Variants in RNF43 observed in about 807,000 individuals in gnomAD.
RNF43 encodes E3 ubiquitin-protein ligase RNF43.
In RNF43, 37 loss-of-function variants were observed where a neutral mutation model predicts 78.4. The ratio of observed to expected loss-of-function variants is 0.47; its 90% CI spans 0.36 to 0.62. The LOEUF is 0.62. Among genes scored for constraint, RNF43 ranks in the 20% least tolerant of loss-of-function variants. The pLI is 0.00. For missense variants in RNF43, 774 were observed against 1,007.9 expected, an observed-to-expected ratio of 0.77 and a Z score of 3.14; for synonymous variants, 347 against 395.0, an observed-to-expected ratio of 0.88 and a Z score of 1.44.
At chr17:58,359,797 A>G (rs185711433) in intron 8 of RNF43, among the ~76,000 whole-genome samples, 2 of 149,238 alleles carry the variant, frequency 1.3e-5, no homozygotes, top group East Asian at 2.0e-4. Context: ...ATGGTGGCGC[A>G]TGCCTGTAAT....
chr17:58,368,717 A>G (rs1973008666), intron 3 of RNF43, among the ~76,000 whole-genome samples: 1 of 151,950 alleles, frequency 6.6e-6, no homozygotes, highest in Non-Finnish European at 1.5e-5. Flanking sequence ...TGTCTCAAAA[A>G]AAAAAAAAAA....
At chr17:58,388,840 C>G (rs1973488280) in intron 2 of RNF43, among the ~76,000 whole-genome samples, 2 of 152,058 alleles carry the variant, frequency 1.3e-5, no homozygotes, top group Non-Finnish European at 2.9e-5. Context: ...AAACCAGGAG[C>G]CAGGTGAGAG....
intron 3 of RNF43, among the ~76,000 whole-genome samples, chr17:58,365,070 C>T (rs1972922256): frequency 6.6e-6 from 1 of 152,330 alleles, no homozygotes; most frequent in East Asian, 1.9e-4. Context: ...GGCTAATTGA[C>T]TAGAAATTCA....
At chr17:58,385,673 T>G (rs965859777) in intron 2 of RNF43, among the ~76,000 whole-genome samples, 14 of 152,130 alleles carry the variant, frequency 9.2e-5, no homozygotes, top group Admixed American at 2.0e-4. Context: ...AAATTCAAAC[T>G]CCATAGCCTA....
intron 2 of RNF43, among the ~76,000 whole-genome samples, chr17:58,405,701 A>AGAAG (rs1468026764): frequency 4.9e-4 from 10 of 20,462 alleles, no homozygotes; most frequent in Admixed American, 1.1e-3. Flanking sequence ...CTCTAATGAC[A>AGAAG]GAAAGAAAGA....
At chr17:58,391,151 C>T (rs1973549280) in intron 2 of RNF43, among the ~76,000 whole-genome samples, 2 of 152,158 alleles carry the variant, frequency 1.3e-5, no homozygotes, top group Admixed American at 6.5e-5. Flanking sequence ...ATATGGAGTA[C>T]ACTGAGGACC....
chr17:58,392,917 A>G (rs1420411866), intron 2 of RNF43, among the ~76,000 whole-genome samples: 1 of 152,186 alleles, frequency 6.6e-6, no homozygotes, highest in Non-Finnish European at 1.5e-5. Context: ...TGGGTTATCT[A>G]CCTTGAGGAG....
At position 58,376,427 on chromosome 17, in the gene RNF43, A is replaced by G. The variant is rs552705994; in HGVS notation, c.253-5394T>C. Among the ~76,000 whole-genome samples, 728 of 152,338 alleles carry G rather than the reference A, an allele frequency of 4.8e-3. 8 individuals carry two copies. Among genetic ancestry groups the G allele is most frequent in the African/African-American group, 0.016 (675 of 41,568 alleles). ...TTTCTAGTACAATTATATCTGTGGT[A>G]TGACAATCATACTCATTATACTTTT... On this transcript the variant is annotated intron_variant, in intron 2 of 9. Transcript: ENST00000407977.
intron 2 of RNF43, among the ~76,000 whole-genome samples, chr17:58,373,806 T>C (rs939846420): frequency 6.6e-6 from 1 of 152,110 alleles, no homozygotes; most frequent in African/African-American, 2.4e-5. Context: ...ACCATCTCCA[T>C]CTCCCCACTA....
intron 2 of RNF43, among the ~76,000 whole-genome samples, chr17:58,394,101 C>T (rs1056547333): frequency 6.6e-6 from 1 of 152,198 alleles, no homozygotes; most frequent in South Asian, 2.1e-4. Context: ...CAGAGAAGCA[C>T]TCCCAACATT....
At chr17:58,363,155 G>T in intron 5 of RNF43, 120 bp downstream of exon 5, 2 of 1,248,348 alleles carry the variant, frequency 1.6e-6, no homozygotes, top group Non-Finnish European at 2.2e-6. Context: ...GGATGAAGTT[G>T]GACTAGAGGG....
rs2143386991 is a variant in RNF43 at position 58,357,579 on chromosome 17, G to A, written c.2197C>T (p.Gln733Ter). 1 of 1,614,234 alleles carries A rather than the reference G, an allele frequency of 6.2e-7. No individual in the cohort carries two copies. Among genetic ancestry groups the A allele is most frequent in the Non-Finnish European group, 8.5e-7 (1 of 1,180,030 alleles). ...CCAGGTGGATGTGGTTCCAGGGGCT[G>A]GCGAGGAGTCAGGCACAACCACACT... is the stretch of plus-strand genomic sequence containing the variant. ...QPVWLCLTPR[Q>*]PLEPHPPGEG... The change falls in exon 9 of 10, where the codon CAG (glutamine) becomes TAG (stop). Residue 733 changes from glutamine to a stop codon, truncating the protein, a stop_gained. Coordinates refer to ENST00000407977, the MANE Select transcript of RNF43 (RefSeq NM_017763.6). LOFTEE classifies it high-confidence loss of function. The surrounding 1 kb of genome is among the most constrained non-coding windows in gnomAD (Gnocchi z 4.5).
chr17:58,355,665 G>T (rs1228699252), intron 9 of RNF43, among the ~76,000 whole-genome samples: 1 of 152,216 alleles, frequency 6.6e-6, no homozygotes, highest in South Asian at 2.1e-4. Flanking sequence ...GCCAAAGCAG[G>T]TTGGATTTTT....
At position 58,360,995 on chromosome 17, in the gene RNF43, C is replaced by T. The variant is rs2143449567; in HGVS notation, c.688-51G>A. The T allele has an allele frequency of 6.7e-7, 1 of 1,487,274 alleles. No individual in the cohort carries two copies. The allele number at this position is 1,487,274 out of a possible 1,614,324, so 92.1% of individuals were successfully genotyped here. Reference sequence around the variant, plus strand: ...TGGGGCATGGGCTCCCCTTCCCTCCCTCTCTGGACCCAAGCTTGGACTCCG... The same window carrying T: ...TGGGGCATGGGCTCCCCTTCCCTCCTTCTCTGGACCCAAGCTTGGACTCCG... On this transcript the variant is annotated intron_variant, in intron 6 of 9. Coordinates refer to ENST00000407977, the MANE Select transcript of RNF43 (RefSeq NM_017763.6). The surrounding 1 kb of genome is among the most constrained non-coding windows in gnomAD (Gnocchi z 4.3).
chr17:58,377,841 T>G (rs1209630394), intron 2 of RNF43, among the ~76,000 whole-genome samples: 1 of 152,012 alleles, frequency 6.6e-6, no homozygotes, highest in Admixed American at 6.6e-5. Flanking sequence ...AAGGCATCAT[T>G]CTCCCCATTT....
intron 2 of RNF43, among the ~76,000 whole-genome samples, chr17:58,378,553 A>T (rs1382034847): frequency 1.3e-5 from 2 of 152,160 alleles, no homozygotes; most frequent in Non-Finnish European, 2.9e-5. Context: ...TCTATTTTTT[A>T]AAAATTATTT....
intron 2 of RNF43, among the ~76,000 whole-genome samples, chr17:58,378,228 C>T (rs1033707977): frequency 3.9e-5 from 6 of 152,272 alleles, no homozygotes; most frequent in African/African-American, 1.2e-4. Context: ...GGGGAATTGT[C>T]GAGAGGAGTT....
chr17:58,357,896 A>C lies in RNF43; in HGVS notation c.1880T>G (p.Val627Gly), dbSNP rs199831923. The C allele has an allele frequency of 1.5e-5, 25 of 1,613,410 alleles. No homozygotes were observed. The East Asian group carries it at 5.4e-4, about 35-fold the overall frequency. ...RALPEPAPGP[V>G]DASSICPSTS... The stretch of plus-strand genomic sequence containing the variant: ...ACTGGGGCAGATGCTGGAGGCGTCA[A>C]CTGGGCCAGGGGCTGGCTCAGGGAG... The change falls in exon 9 of 10, where the codon GTT becomes GGT. Residue 627 changes from valine (V) to glycine (G), a missense_variant. Val to Gly is a moderately radical substitution (Grantham distance 109, BLOSUM62 -3). Transcript: ENST00000407977. The surrounding 1 kb of genome is among the most constrained non-coding windows in gnomAD (Gnocchi z 4.5).
rs542889175 is a variant in RNF43 at position 58,413,568 on chromosome 17, T to C, written c.252+1758A>G. ...CAAAGTAAAAGCAATACTTAATGTA[T>C]AATGATAGGATCAAAGTTAATAGTT... On this transcript the variant is annotated intron_variant, in intron 2 of 9. Transcript: ENST00000407977. 2.0e-5 allele frequency among the ~76,000 whole-genome samples: 3 copies of C among 152,266 alleles called. No individual in the cohort carries two copies. In the South Asian group the frequency reaches 6.2e-4, roughly 32 times the overall value.
Sources: gnomAD v4.1 joint callset for allele counts (sites outside exome capture counted in the v4.1 genomes callset) on GRCh38, gnomAD v4.1.1 for gene constraint, Gnocchi (gnomAD v3.1) non-coding constraint, MANE v1.5 for transcripts, NCBI Gene and HGNC (gene_info 2026-07-23, HGNC 2026-07-21) for gene names.